The following COL5A2 variants were observed in gnomAD, a reference collection of about 807,000 sequenced individuals.
COL5A2 encodes the protein collagen alpha-2(V) chain.
A neutral mutation model predicts 208.2 loss-of-function variants in COL5A2; 23 were observed. That is an observed-to-expected ratio of 0.11 (90% confidence interval 0.08 to 0.16). The LOEUF (loss-of-function observed/expected upper bound fraction) is 0.16, where lower values mean the gene tolerates loss of function less well. COL5A2 is among the 10% of genes least tolerant of loss of function. The pLI is 1.00. For synonymous variants in COL5A2, 625 were observed against 628.5 expected, an observed-to-expected ratio of 0.99 and a Z score of 0.08; for missense variants, 1,590 against 1,956.4, an observed-to-expected ratio of 0.81 and a Z score of 3.53.
At chr2:189,246,918 T>G in the COL5A2 span, among the ~76,000 whole-genome samples, 1 of 152,194 alleles carries the variant, frequency 6.6e-6, no homozygotes, top group African/African-American at 2.4e-5. Context: ...AAGAGAAGAC[T>G]GTGTAATAAC....
the COL5A2 span, among the ~76,000 whole-genome samples, chr2:189,413,938 C>A: frequency 6.6e-6 from 1 of 151,742 alleles, no homozygotes; most frequent in Non-Finnish European, 1.5e-5. Flanking sequence ...ATTACAGGCG[C>A]CCGCCACTGC....
In COL5A2 at chr2:189,037,078, C is replaced by A. The variant is rs574342084; in HGVS notation, c.3926-275G>T. ...TACCCCCATTTTATAGATGAGAAAACCATACCGAAAAGAGAAAATCTATAG... is the reference window on the plus strand; with the variant it reads ...TACCCCCATTTTATAGATGAGAAAAACATACCGAAAAGAGAAAATCTATAG... On this transcript the variant is annotated intron_variant, in intron 51 of 53. Transcript: ENST00000374866. Among the ~76,000 whole-genome samples, 6 of 152,092 alleles carry A rather than the reference C, an allele frequency of 3.9e-5. No homozygotes were observed. In the East Asian group the frequency reaches 9.7e-4, roughly 24 times the overall value.
At chr2:189,098,651 G>A in intron 5 of COL5A2, 76 bp downstream of exon 5, 2 of 1,115,088 alleles carry the variant, frequency 1.8e-6, no homozygotes, top group South Asian at 2.5e-5. Flanking sequence ...ATCTTCTCAT[G>A]GATATAATAT....
At chr2:189,078,700 G>A in intron 15 of COL5A2, 131 bp from the exon 16 acceptor site, 1 of 832,508 alleles carries the variant, frequency 1.2e-6, no homozygotes, top group Non-Finnish European at 2.1e-6. Flanking sequence ...CAGGGGCAAT[G>A]TTGGGTTTGA....
rs146543824 is a variant in COL5A2, at chr2:189,056,570, A to AT, written c.2391+402dup. Among the ~76,000 whole-genome samples, 1,249 of 152,246 alleles carry AT rather than the reference A, an allele frequency of 8.2e-3. 6 individuals carry two copies. Among genetic ancestry groups the AT allele is most frequent in the Non-Finnish European group, 0.014 (940 of 68,018 alleles). ...AGTAAATTTCTCACCCCAACATCCA[A>AT]TATACTGAGAAACATTTATCACAAC... On this transcript the variant is annotated intron_variant, in intron 35 of 53. Coordinates refer to ENST00000374866, the MANE Select transcript of COL5A2 (RefSeq NM_000393.5).
At chr2:189,196,252 T>C (rs2105851436) in intron 1 of COL5A2, among the ~76,000 whole-genome samples, 1 of 152,076 alleles carries the variant, frequency 6.6e-6, no homozygotes, top group South Asian at 2.1e-4. Flanking sequence ...TGTCTTGCAA[T>C]GTTTCTGATA....
the COL5A2 span, among the ~76,000 whole-genome samples, chr2:189,323,339 G>T: frequency 2.2e-4 from 33 of 152,068 alleles, no homozygotes; most frequent in Non-Finnish European, 4.4e-4. Flanking sequence ...GGCAGGAGAA[G>T]GAAATAAAGG....
chr2:189,401,238 A>G, the COL5A2 span, among the ~76,000 whole-genome samples: 1 of 151,974 alleles, frequency 6.6e-6, no homozygotes, highest in Non-Finnish European at 1.5e-5. Flanking sequence ...GACAGGCATT[A>G]GTGTGTGTTG....
chr2:189,332,342 A>C, the COL5A2 span, among the ~76,000 whole-genome samples: 2 of 152,156 alleles, frequency 1.3e-5, no homozygotes, highest in African/African-American at 4.8e-5. Context: ...AATACACATT[A>C]TTTTCAGGAA....
the COL5A2 span, among the ~76,000 whole-genome samples, chr2:189,275,517 A>G: frequency 2.0e-5 from 3 of 148,856 alleles, no homozygotes; most frequent in Non-Finnish European, 4.4e-5. Context: ...GCAATGGCAC[A>G]ATTTCAGCTC....
chr2:189,303,656 G>A, the COL5A2 span, among the ~76,000 whole-genome samples: 1 of 152,174 alleles, frequency 6.6e-6, no homozygotes, highest in Admixed American at 6.5e-5. Flanking sequence ...TTAATAGTAT[G>A]CACTTGTAAC....
intron 1 of COL5A2, among the ~76,000 whole-genome samples, chr2:189,170,270 A>G (rs1454107212): frequency 6.6e-6 from 1 of 152,246 alleles, no homozygotes; most frequent in Non-Finnish European, 1.5e-5. Context: ...TGAGTGAACG[A>G]ATTGTGGAAA....
the COL5A2 span, among the ~76,000 whole-genome samples, chr2:189,346,660 T>C: frequency 1.3e-5 from 2 of 152,222 alleles, no homozygotes; most frequent in South Asian, 4.1e-4. Context: ...CCAAATTGTT[T>C]CCAACAGAGA....
the COL5A2 span, among the ~76,000 whole-genome samples, chr2:189,325,783 CA>C: frequency 6.6e-6 from 1 of 151,874 alleles, no homozygotes; most frequent in Non-Finnish European, 1.5e-5. Context: ...AGTTTGAAGT[CA>C]AAAAACATTT....
intron 15 of COL5A2, 37 bp downstream of exon 15, chr2:189,079,026 C>T (rs748414446): frequency 1.3e-6 from 2 of 1,547,930 alleles, no homozygotes; most frequent in East Asian, 2.2e-5. Context: ...GGAAATATAA[C>T]CTTAGAAATT....
chr2:189,232,380 C>T, the COL5A2 span, among the ~76,000 whole-genome samples: 124,260 of 151,432 alleles, frequency 0.82, 51,192 homozygotes, highest in East Asian at 0.94. Flanking sequence ...TCACAACACA[C>T]AGGAAGCTAT....
the COL5A2 span, among the ~76,000 whole-genome samples, chr2:189,399,710 A>G: frequency 1.1e-4 from 17 of 151,486 alleles, no homozygotes; most frequent in Non-Finnish European, 2.4e-4. Context: ...TTGGTTGGTT[A>G]TCTGTTTGAA....
At chr2:189,423,229 T>C in the COL5A2 span, among the ~76,000 whole-genome samples, 1 of 151,988 alleles carries the variant, frequency 6.6e-6, no homozygotes, top group Non-Finnish European at 1.5e-5. Context: ...AGCTATGGGA[T>C]ATAACAAAAG....
the COL5A2 span, among the ~76,000 whole-genome samples, chr2:189,321,191 A>G: frequency 1.3e-5 from 2 of 152,190 alleles, no homozygotes; most frequent in African/African-American, 4.8e-5. Flanking sequence ...AGGAACAACC[A>G]GTACCAGCCA....
Sources: gnomAD v4.1 joint callset for allele counts (sites outside exome capture counted in the v4.1 genomes callset) on GRCh38, gnomAD v4.1.1 for gene constraint, MANE v1.5 for transcripts, NCBI Gene and HGNC (gene_info 2026-07-23, HGNC 2026-07-21) for gene names.